Variants in DHX29 observed in about 807,000 individuals in gnomAD.
DHX29 encodes the protein DExH-box helicase 29.
Under a neutral mutation model 167.9 loss-of-function variants are expected in DHX29, and 79 were observed. The ratio of observed to expected loss-of-function variants is 0.47; its 90% CI spans 0.39 to 0.57. DHX29 has a LOEUF of 0.57. Ranked by LOEUF, DHX29 falls within the 20% of genes least tolerant of loss-of-function variation. The pLI is 0.00. For missense variants in DHX29, 1,347 were observed against 1,593.4 expected (o/e 0.85, Z 2.63); for synonymous variants, 530 against 546.0 (o/e 0.97, Z 0.41).
At chr5:55,267,970 T>A in intron 21 of DHX29, 148 bp from the exon 22 acceptor site, 7 of 387,510 alleles carry the variant, frequency 1.8e-5, no homozygotes, top group Non-Finnish European at 3.1e-5. Flanking sequence ...TTAGTATTAT[T>A]ATACTAATTA....
intron 11 of DHX29, among the ~76,000 whole-genome samples, chr5:55,281,781 A>G (rs1418039070): frequency 2.6e-5 from 4 of 151,964 alleles, no homozygotes; most frequent in African/African-American, 4.8e-5. Flanking sequence ...TTTGAACAGA[A>G]AAACTTTTTT....
chr5:55,296,251 G>A lies in DHX29; in HGVS notation c.474C>T (p.Ala158=), dbSNP rs1489372956. Residue 158 remains alanine, a synonymous_variant, in exon 4 of 27, where the codon GCC becomes GCT. Transcript: ENST00000251636. ...TLLYGGDLHS[A]LDWLCLNLSD... Reference sequence around the variant, plus strand: ...AAAGGTTTAAACAGAGCCAATCCAAGGCAGAATGAAGGTCACCTCCATATA... The same window carrying A: ...AAAGGTTTAAACAGAGCCAATCCAAAGCAGAATGAAGGTCACCTCCATATA... The A allele has an allele frequency of 4.3e-6, 7 of 1,613,140 alleles. No homozygotes were observed. Among genetic ancestry groups the A allele is most frequent in the South Asian group, 1.1e-5 (1 of 90,972 alleles).
In DHX29 at chr5:55,273,237, C is replaced by A. The variant is rs892989531; in HGVS notation, c.2775+56G>T. 2.0e-5 allele frequency: 30 copies of A among 1,487,910 alleles called. No homozygotes were observed. In the South Asian group the frequency reaches 4.0e-4, roughly 20 times the overall value. 92.2% of individuals were successfully genotyped at this position (1,487,910 alleles called of 1,614,324 possible). On this transcript the variant is annotated intron_variant, in intron 17 of 26. Transcript: ENST00000251636. ...TCTTTGATGATAAAAAGTTATACGG[C>A]CATCATAAAATACTCTCAGGTGGAT...
At chr5:55,288,486 G>A (rs985462083) in intron 8 of DHX29, among the ~76,000 whole-genome samples, 1 of 150,954 alleles carries the variant, frequency 6.6e-6, no homozygotes, top group African/African-American at 2.4e-5. Context: ...CACTTCCATA[G>A]TTTTTAGAAG....
chr5:55,296,226 A>G lies in DHX29; in HGVS notation c.499T>C (p.Ser167Pro). The change falls in exon 4 of 27, where the codon TCA becomes CCA. Residue 167 changes from serine to proline, a missense_variant. Transcript: ENST00000251636. ...ATTTAATGATATTGTTTACCATCTGAAAGGTTTAAACAGAGCCAATCCAAG... is the reference window on the plus strand; with the variant it reads ...ATTTAATGATATTGTTTACCATCTGGAAGGTTTAAACAGAGCCAATCCAAG... ...SALDWLCLNL[S>P]DDALPEGFSQ... The G allele has an allele frequency of 6.2e-7, 1 of 1,605,760 alleles. No homozygotes were observed. The highest frequency in any genetic ancestry group is 8.5e-7 in the Non-Finnish European group (1 of 1,176,970).
intron 20 of DHX29, among the ~76,000 whole-genome samples, chr5:55,269,904 G>A (rs1746768298): frequency 6.6e-6 from 1 of 152,052 alleles, no homozygotes; most frequent in Non-Finnish European, 1.5e-5. Flanking sequence ...TCCTGATTTT[G>A]ATAGGAGTCA....
At chr5:55,279,071 G>C (rs540882570) in intron 12 of DHX29, among the ~76,000 whole-genome samples, 2 of 152,170 alleles carry the variant, frequency 1.3e-5, no homozygotes, top group African/African-American at 2.4e-5. Context: ...GTGGAGGAGA[G>C]CAAAATAAAG....
Position 55,298,572 on chromosome 5 carries a change from C to T in DHX29, c.261+19G>A, listed in dbSNP as rs761727144. 1 of 1,417,260 alleles carries T rather than the reference C, an allele frequency of 7.1e-7. No individual in the cohort carries two copies. Among genetic ancestry groups the T allele is most frequent in the South Asian group, 1.2e-5 (1 of 85,042 alleles). 87.8% of individuals were successfully genotyped at this position (1,417,260 alleles called of 1,614,324 possible). ...GGGGGAAACATTTCTTGAAATGACT[C>T]AAAACCTTTGTTACTTACTTTCAAA... On this transcript the variant is annotated intron_variant, in intron 2 of 26. Coordinates refer to ENST00000251636, the MANE Select transcript of DHX29 (RefSeq NM_019030.4).
intron 23 of DHX29, among the ~76,000 whole-genome samples, chr5:55,265,564 G>GA (rs1366724099): frequency 6.6e-6 from 1 of 150,774 alleles, no homozygotes; most frequent in South Asian, 2.1e-4. Context: ...TGGCAAATAG[G>GA]AAAAAACTGA....
At position 55,283,671 on chromosome 5, in the gene DHX29, C is replaced by T. The variant is rs1747561569; in HGVS notation, c.1497G>A (p.Leu499=). The change falls in exon 11 of 27, where the codon CTG becomes CTA. Residue 499 remains leucine, a synonymous_variant. Transcript: ENST00000251636. ...GTTGTTGCTGCTGTTGCTGCTGTTT[C>T]AGTTTATTCAGAAGTTTGGCAATAA... The part of the protein sequence containing the change: ...DLFIAKLLNK[L]KQQQQQQQQH... 1.9e-6 allele frequency: 3 copies of T among 1,614,112 alleles called. No homozygotes were observed. Among genetic ancestry groups the T allele is most frequent in the African/African-American group, 2.7e-5 (2 of 75,040 alleles).
rs376460436 is a variant in DHX29 at position 55,305,163 on chromosome 5, CAT to C, written c.187+2222_187+2223del. 4.5e-4 allele frequency among the ~76,000 whole-genome samples: 69 copies of C among 152,282 alleles called. No homozygotes were observed. The South Asian group carries it at 0.014, about 31-fold the overall frequency. ...CTGTAATTTTGTTGGATATATAAAA[CAT>C]ATAATTCTTTACATATCATAAGGCA... On this transcript the variant is annotated intron_variant, in intron 1 of 26. Coordinates refer to ENST00000251636, the MANE Select transcript of DHX29 (RefSeq NM_019030.4).
At chr5:55,256,620 G>T in intron 26 of DHX29, 80 bp from the exon 27 acceptor site, 1 of 1,318,802 alleles carries the variant, frequency 7.6e-7, no homozygotes, top group Non-Finnish European at 1.0e-6. Context: ...TAAATAAGAG[G>T]TATATGTCAC....
chr5:55,256,528 A>T lies in DHX29; in HGVS notation c.4070T>A (p.Leu1357Gln), dbSNP rs763497858. ...PKMSLENDKI[L>Q]QIITELIKTE... The stretch of plus-strand genomic sequence containing the variant: ...TTTTATCAATTCCGTAATGATCTGC[A>T]GAATCTTGTCATCTGAGTGGAAGGA... The change falls in exon 27 of 27, where the codon CTG becomes CAG. Residue 1357 changes from leucine (L) to glutamine (Q), a missense_variant. By Grantham distance (113) the Leu-to-Gln change is moderately radical (BLOSUM62 -2). Coordinates refer to ENST00000251636, the MANE Select transcript of DHX29 (RefSeq NM_019030.4). 1.9e-6 allele frequency: 3 copies of T among 1,593,770 alleles called. No individual in the cohort carries two copies. The South Asian group carries it at 3.5e-5, about 19-fold the overall frequency.
chr5:55,276,531 A>T, intron 13 of DHX29, 125 bp from the exon 14 acceptor site: 1 of 747,092 alleles, frequency 1.3e-6, no homozygotes, highest in Non-Finnish European at 2.1e-6. Context: ...TTATGAAAAA[A>T]AATTTTTAGT....
chr5:55,274,893 G>A lies in DHX29; in HGVS notation c.2545C>T (p.Leu849Phe), dbSNP rs1012224056. 6 of 1,613,584 alleles carry A rather than the reference G, an allele frequency of 3.7e-6. No homozygotes were observed. In the East Asian group the frequency reaches 1.3e-4, roughly 36 times the overall value. ...YMNPHKINLD[L>F]ILELLAYLDK... ...AAGTATGCAAGAAGTTCCAAAATGA[G>A]ATCCAGGTTGATTTTATGAGGATTC... The change falls in exon 15 of 27, where the codon CTC becomes TTC. Residue 849 changes from leucine (L) to phenylalanine (F), a missense_variant. Physicochemically the swap from Leu to Phe is conservative, Grantham distance 22 (BLOSUM62 0). This residue lies in a region of DHX29 where 882 missense variants were observed against 1,082.4 expected (regional missense o/e 0.81). Transcript: ENST00000251636.
rs1015156853 is a variant in DHX29 at position 55,259,457 on chromosome 5, CT to C, written c.4057+390del. 8.1e-4 allele frequency among the ~76,000 whole-genome samples: 124 copies of C among 152,160 alleles called. 3 individuals are homozygous for C. Among genetic ancestry groups the C allele is most frequent in the Non-Finnish European group, 3.1e-4 (21 of 67,992 alleles). On this transcript the variant is annotated intron_variant, in intron 26 of 26. Transcript: ENST00000251636. ...TTTCAGATTTTCTCTTACAAAGTTT[CT>C]TTTTTTCTTTTTTGAGATGGAGTTT...
At chr5:55,258,608 CT>C (rs1156705070) in intron 26 of DHX29, among the ~76,000 whole-genome samples, 1 of 152,090 alleles carries the variant, frequency 6.6e-6, no homozygotes, top group Non-Finnish European at 1.5e-5. Flanking sequence ...AGATTTCTCT[CT>C]TATTTTTTGA....
intron 11 of DHX29, 137 bp downstream of exon 11, chr5:55,283,066 A>C (rs1747516178): frequency 4.5e-6 from 4 of 887,352 alleles, no homozygotes; most frequent in Middle Eastern, 3.2e-4. Flanking sequence ...AGAAAATGTG[A>C]AAAGTGCCTG....
intron 2 of DHX29, among the ~76,000 whole-genome samples, 174 bp from the exon 3 acceptor site, chr5:55,297,572 T>C (rs551000616): frequency 1.3e-5 from 2 of 152,322 alleles, no homozygotes; most frequent in South Asian, 4.1e-4. Context: ...CTATCATTTC[T>C]TTAAGAAAAA....
Sources: gnomAD v4.1 joint callset for allele counts (sites outside exome capture counted in the v4.1 genomes callset) on GRCh38, gnomAD v4.1.1 for gene constraint, gnomAD v4.1.1 regional missense constraint, MANE v1.5 for transcripts, NCBI Gene and HGNC (gene_info 2026-07-23, HGNC 2026-07-21) for gene names.